MACF1: variants seen among roughly 807,000 people sequenced by gnomAD.
The protein encoded by MACF1 is microtubule-actin cross-linking factor 1.
A neutral mutation model predicts 854.8 loss-of-function variants in MACF1; 193 were observed. The observed-to-expected ratio is 0.23, with a 90% confidence interval of 0.20 to 0.25. MACF1 has a LOEUF of 0.25. Ranked by LOEUF, MACF1 falls within the 10% of genes least tolerant of loss-of-function variation. The pLI, the probability that MACF1 is intolerant of heterozygous loss-of-function variation, is 1.00. For missense variants in MACF1, 7,722 were observed against 8,929.1 expected (o/e 0.86, Z 5.45); for synonymous variants, 3,185 against 3,226.7 (o/e 0.99, Z 0.44).
At chr1:39,384,825 G>A (rs1184374334) in intron 56 of MACF1, among the ~76,000 whole-genome samples, 3 of 152,166 alleles carry the variant, frequency 2.0e-5, no homozygotes, top group African/African-American at 7.2e-5. Flanking sequence ...CAAAGCAGAT[G>A]AATGCCAACT....
intron 58 of MACF1, chr1:39,410,585 A>T (rs79076711): frequency 1.2e-6 from 2 of 1,614,082 alleles, no homozygotes; most frequent in East Asian, 4.5e-5. Context: ...CTAAGCAGTG[A>T]TGTGCAGAAG....
chr1:39,436,473 C>T (rs1466751326), intron 70 of MACF1: 1 of 1,613,900 alleles, frequency 6.2e-7, no homozygotes, highest in African/African-American at 1.3e-5. Flanking sequence ...ACCGCGCCCA[C>T]CATTACAGAT....
In MACF1 at chr1:39,287,346, G is replaced by A. The variant is rs971616353; in HGVS notation, c.1569G>A (p.Arg523=). The A allele has an allele frequency of 6.2e-7, 1 of 1,614,128 alleles. No homozygotes were observed. The highest frequency in any genetic ancestry group is 2.2e-5 in the East Asian group (1 of 44,880). ...GTCTAGAGTGTACAAACCTGTACCG[G>A]AAGGGTCATTTCACTTCACTTGAAT... is the stretch of plus-strand genomic sequence containing the variant. The part of the protein sequence containing the change: ...TLRLECTNLY[R]KGHFTSLELV... Residue 523 remains arginine (R), a synonymous_variant, in exon 15 of 101, where the codon CGG becomes CGA. Coordinates refer to ENST00000564288, the MANE Select transcript of MACF1 (RefSeq NM_001394062.1).
chr1:39,425,853 A>G (rs1159706964), intron 61 of MACF1, among the ~76,000 whole-genome samples: 1 of 152,110 alleles, frequency 6.6e-6, no homozygotes, highest in Non-Finnish European at 1.5e-5. Context: ...AACTCCTTAA[A>G]GTCATGGTTT....
Position 39,105,641 on chromosome 1 carries a change from G to A in MACF1, c.220+21203G>A. On this transcript the variant is annotated intron_variant, in intron 2 of 93. Transcript: ENST00000361689. The surrounding 1 kb of genome is among the most constrained non-coding windows in gnomAD (Gnocchi z 5.9). Reference sequence around the variant, plus strand: ...GGGCGGCCATGGCCGGCTACGTGCCGGGTCAGCAGCCGGCCAACCGCAGCC... The same window carrying A: ...GGGCGGCCATGGCCGGCTACGTGCCAGGTCAGCAGCCGGCCAACCGCAGCC... 2 of 1,232,934 alleles carry A rather than the reference G, an allele frequency of 1.6e-6. No individual in the cohort carries two copies. The highest frequency in any genetic ancestry group is 2.1e-6 in the Non-Finnish European group (2 of 960,974). 76.4% of individuals were successfully genotyped at this position (1,232,934 alleles called of 1,614,324 possible). A position where few individuals can be genotyped will look rare whatever the true frequency, so the allele number is the denominator to read the frequency against.
chr1:39,347,264 A>G, intron 41 of MACF1, 54 bp downstream of exon 41: 1 of 1,368,068 alleles, frequency 7.3e-7, no homozygotes, highest in Non-Finnish European at 1.0e-6. Flanking sequence ...GTCCTCTGTC[A>G]TTGGGTTTTC....
At chr1:39,418,359 G>T (rs1569994145) in intron 58 of MACF1, among the ~76,000 whole-genome samples, 1 of 152,106 alleles carries the variant, frequency 6.6e-6, no homozygotes, top group African/African-American at 2.4e-5. Context: ...AACTCAGAGA[G>T]ACAAATTGAG....
chr1:39,399,348 C>T (rs1642387834), intron 58 of MACF1, among the ~76,000 whole-genome samples: 1 of 148,530 alleles, frequency 6.7e-6, no homozygotes, highest in Non-Finnish European at 1.5e-5. Flanking sequence ...GAAGTCATAG[C>T]TCAAGTCCAC....
At chr1:39,164,313 ACTTTTAAAGG>A (rs1557491989) in intron 2 of MACF1, among the ~76,000 whole-genome samples, 2 of 152,096 alleles carry the variant, frequency 1.3e-5, no homozygotes, top group African/African-American at 2.4e-5. Context: ...ATTTTATTTC[ACTTTTAAAGG>A]CTACTGAGGG....
chr1:39,098,478 A>G lies in MACF1; in HGVS notation c.220+14040A>G, dbSNP rs796622924. Among the ~76,000 whole-genome samples, 20 of 152,338 alleles carry G rather than the reference A, an allele frequency of 1.3e-4. 1 individual carries two copies. Among genetic ancestry groups the G allele is most frequent in the African/African-American group, 4.8e-4 (20 of 41,584 alleles). ...ACAGCTAACATCTGTGTAGCACTTC[A>G]AGGTTCACGGAGTGCCTTAACATCC... On this transcript the variant is annotated intron_variant, in intron 2 of 93. Coordinates refer to the MACF1 transcript ENST00000361689.
intron 2 of MACF1, among the ~76,000 whole-genome samples, chr1:39,134,164 C>T (rs1337356518): frequency 6.6e-6 from 1 of 150,996 alleles, no homozygotes; most frequent in African/African-American, 2.4e-5. Context: ...CCTCAGCCTC[C>T]CGAGTAGCTG....
intron 5 of MACF1, among the ~76,000 whole-genome samples, chr1:39,254,912 G>A (rs1392702454): frequency 6.6e-6 from 1 of 152,124 alleles, no homozygotes; most frequent in Non-Finnish European, 1.5e-5. Flanking sequence ...TCCTTCCCTG[G>A]ATGAGGAAGA....
chr1:39,381,709 A>T (rs1250216052), intron 55 of MACF1, among the ~76,000 whole-genome samples: 1 of 152,128 alleles, frequency 6.6e-6, no homozygotes, highest in African/African-American at 2.4e-5. Flanking sequence ...ACACGCCTAT[A>T]GTCCCAGCTA....
intron 2 of MACF1, among the ~76,000 whole-genome samples, chr1:39,245,824 A>T (rs951537225): frequency 2.2e-4 from 33 of 152,188 alleles, no homozygotes; most frequent in African/African-American, 7.7e-4. Flanking sequence ...TATCAAAAAT[A>T]AATCCCTCAT....
chr1:39,363,853 C>A (rs1478503850), intron 49 of MACF1, among the ~76,000 whole-genome samples: 3 of 152,120 alleles, frequency 2.0e-5, no homozygotes, highest in Non-Finnish European at 4.4e-5. Flanking sequence ...CTCAAGTGAT[C>A]TGCCCGCCTC....
chr1:39,102,237 G>A (rs1030310280), intron 2 of MACF1, among the ~76,000 whole-genome samples: 5 of 151,974 alleles, frequency 3.3e-5, no homozygotes, highest in African/African-American at 1.2e-4. Context: ...GAAAAGAAAA[G>A]AAAGACGAAA....
At chr1:39,386,098 T>C (rs1191609629) in intron 57 of MACF1, among the ~76,000 whole-genome samples, 169 bp downstream of exon 57, 1 of 152,148 alleles carries the variant, frequency 6.6e-6, no homozygotes, top group Non-Finnish European at 1.5e-5. Flanking sequence ...TTGTAGTTGT[T>C]ACACAGTGAA....
chr1:39,108,640 G>T (rs948728629), intron 2 of MACF1, among the ~76,000 whole-genome samples: 1 of 151,986 alleles, frequency 6.6e-6, no homozygotes, highest in African/African-American at 2.4e-5. Flanking sequence ...GAATAGTCAG[G>T]GAGGTAGGAG....
chr1:39,253,371 G>A (rs1289187540), intron 4 of MACF1, among the ~76,000 whole-genome samples: 2 of 152,110 alleles, frequency 1.3e-5, no homozygotes, highest in Admixed American at 6.6e-5. Context: ...GGAGTAAAGG[G>A]TGCCCTTCCT....
Sources: allele counts gnomAD v4.1 joint callset (sites outside exome capture counted in the v4.1 genomes callset), GRCh38; gene constraint gnomAD v4.1.1; non-coding constraint Gnocchi (gnomAD v3.1); transcripts MANE v1.5; gene names NCBI Gene and HGNC (gene_info 2026-07-23, HGNC 2026-07-21).